Variants in MIER2 observed in about 807,000 individuals in gnomAD.
MIER2 encodes the protein mesoderm induction early response protein 2.
A neutral mutation model predicts 67.6 loss-of-function variants in MIER2; 30 were observed. The observed-to-expected ratio is 0.44, with a 90% CI of 0.33 to 0.60. MIER2 has a LOEUF of 0.60. Ranked by LOEUF, MIER2 falls within the 20% of genes least tolerant of loss-of-function variation. MIER2 has a pLI of 0.02. For synonymous variants in MIER2, 372 were observed against 312.6 expected (o/e 1.19, Z -2.00); for missense variants, 702 against 745.1 (o/e 0.94, Z 0.67).
chr19:323,581 C>A lies in MIER2; in HGVS notation c.655+2054G>T, dbSNP rs1444390265. 4.0e-5 allele frequency among the ~76,000 whole-genome samples: 6 copies of A among 150,082 alleles called. No homozygotes were observed. In the South Asian group the frequency reaches 8.4e-4, roughly 21 times the overall value. ...CCATGCAGATGACTCAAATGACAGACATCATCACCATGCAATACACAAGAC... is the reference window on the plus strand; with the variant it reads ...CCATGCAGATGACTCAAATGACAGAAATCATCACCATGCAATACACAAGAC... On this transcript the variant is annotated intron_variant, in intron 7 of 13. Coordinates refer to ENST00000264819, the MANE Select transcript of MIER2 (RefSeq NM_017550.3).
In MIER2 at chr19:327,235, G is replaced by T; in HGVS notation, c.391C>A (p.Leu131Ile). The T allele has an allele frequency of 6.3e-7, 1 of 1,574,972 alleles. No homozygotes were observed. ...GTCTCTTCCTCTTCTTCCCCTGAAA[G>T]CAAATCCTTCGCTATTTGTTCCTTT... ...LDKEQIAKDL[L>I]SGEEEEETQS... The change falls in exon 5 of 14, where the codon CTT becomes ATT. Residue 131 changes from leucine (L) to isoleucine (I), a missense_variant. Transcript: ENST00000264819.
chr19:344,219 G>C (rs893167523), intron 1 of MIER2: 3 of 985,292 alleles, frequency 3.0e-6, no homozygotes, highest in African/African-American at 1.7e-5. Context: ...TTCGCGCCAG[G>C]CGGGTCCGCG....
intron 3 of MIER2, among the ~76,000 whole-genome samples, chr19:332,245 C>G (rs1972061194): frequency 1.3e-5 from 2 of 151,992 alleles, no homozygotes; most frequent in Admixed American, 1.3e-4. Context: ...GGCTGGACTG[C>G]AGTGGCACAT....
At chr19:327,020 C>T in intron 5 of MIER2, 113 bp downstream of exon 5, 1 of 1,409,350 alleles carries the variant, frequency 7.1e-7, no homozygotes, top group South Asian at 1.5e-5. Flanking sequence ...AGGCAGACGC[C>T]CTCATCTGTG....
intron 7 of MIER2, among the ~76,000 whole-genome samples, chr19:319,872 A>T (rs1269898789): frequency 1.3e-5 from 2 of 152,246 alleles, no homozygotes; most frequent in Non-Finnish European, 2.9e-5. Flanking sequence ...AATAAAAATA[A>T]AAGGACAGGC....
At position 343,808 on chromosome 19, in the gene MIER2, A is replaced by C. The variant is rs531375520; in HGVS notation, c.9+966T>G. ...CCTCGCAGCCGCCGCACCTTCACCT[A>C]CATTATCTCTTTCCATCTTCACCAG... On this transcript the variant is annotated intron_variant, in intron 1 of 13. Transcript: ENST00000264819. The C allele has an allele frequency of 3.1e-6, 3 of 981,356 alleles. No homozygotes were observed. In the African/African-American group the frequency reaches 5.2e-5, roughly 17 times the overall value. The allele number at this position is 981,356 out of a possible 1,614,324, so 60.8% of individuals were successfully genotyped here.
rs140216224 is a variant in MIER2 at position 320,385 on chromosome 19, C to A, written c.655+5250G>T. Among the ~76,000 whole-genome samples the A allele has an allele frequency of 2.0e-5, 3 of 147,434 alleles. No individual in the cohort carries two copies. In the East Asian group the frequency reaches 5.9e-4, roughly 29 times the overall value. ...ACAGAGCAAGACTTTGTCCAAAAAA[C>A]TAAATAGATAGATAGATAAATAAAT... On this transcript the variant is annotated intron_variant, in intron 7 of 13. Transcript: ENST00000264819.
chr19:336,849 CTCTTT>C (rs1972280158), intron 1 of MIER2, among the ~76,000 whole-genome samples: 1 of 152,064 alleles, frequency 6.6e-6, no homozygotes, highest in Non-Finnish European at 1.5e-5. Flanking sequence ...TTCAATATCT[CTCTTT>C]TTTTTTGAGA....
rs1970925144 is a variant in MIER2 at position 310,581 on chromosome 19, CGGGAG to C, written c.984+1259_984+1263del. ...CGGCCCGGAGCTATAGAAACACGGC[CGGGAG>C]CTGCAGAAACACAGCCGGGAGCTAT... On this transcript the variant is annotated intron_variant, in intron 10 of 13. Coordinates refer to ENST00000264819, the MANE Select transcript of MIER2 (RefSeq NM_017550.3). 1.3e-4 allele frequency among the ~76,000 whole-genome samples: 20 copies of C among 149,150 alleles called. 1 individual carries two copies. Among genetic ancestry groups the C allele is most frequent in the Middle Eastern group, 7.5e-3 (2 of 268 alleles).
rs779453250 is a variant in MIER2, at chr19:306,570, AG to A, written c.*119del. The A allele has an allele frequency of 1.0e-4, 133 of 1,325,910 alleles. No individual in the cohort carries two copies. The highest frequency in any genetic ancestry group is 1.8e-4 in the Admixed American group (9 of 49,496). The allele number at this position is 1,325,910 out of a possible 1,614,324, so 82.1% of individuals were successfully genotyped here. ...CCCCAGTCCTGACGTGTTCTGAAGCAGAAGGAGGTGCTACCCCAAGGCCCGG... is the reference window on the plus strand; with the variant it reads ...CCCCAGTCCTGACGTGTTCTGAAGCAAAGGAGGTGCTACCCCAAGGCCCGG... On this transcript the variant is annotated 3_prime_UTR_variant, in exon 14 of 14. Coordinates refer to ENST00000264819, the MANE Select transcript of MIER2 (RefSeq NM_017550.3).
chr19:315,495 G>C (rs998711853), intron 7 of MIER2, among the ~76,000 whole-genome samples: 20 of 152,334 alleles, frequency 1.3e-4, no homozygotes, highest in African/African-American at 3.1e-4. Flanking sequence ...CAAAACGCCG[G>C]AGAGTCTCAG....
At chr19:341,844 T>C (rs1600182789) in intron 1 of MIER2, among the ~76,000 whole-genome samples, 1 of 151,826 alleles carries the variant, frequency 6.6e-6, no homozygotes, top group Admixed American at 6.6e-5. Flanking sequence ...TCCACCAGGG[T>C]CTTCAGGCAG....
chr19:340,028 A>C (rs1278092633), intron 1 of MIER2, among the ~76,000 whole-genome samples: 1 of 152,216 alleles, frequency 6.6e-6, no homozygotes, highest in Non-Finnish European at 1.5e-5. Context: ...TATTTAATGA[A>C]GTTTAAAAAC....
chr19:321,430 AG>A (rs1971497288), intron 7 of MIER2, among the ~76,000 whole-genome samples: 1 of 152,162 alleles, frequency 6.6e-6, no homozygotes, highest in Non-Finnish European at 1.5e-5. Context: ...GGATCACCTG[AG>A]GTTGGGAGTT....
chr19:344,694 C>G, intron 1 of MIER2, 80 bp downstream of exon 1: 1 of 955,924 alleles, frequency 1.0e-6, no homozygotes, highest in Non-Finnish European at 1.3e-6. Flanking sequence ...CCCTGGGGCC[C>G]ACGACGAGGC....
chr19:342,591 G>GT lies in MIER2; in HGVS notation c.9+2182dup, dbSNP rs965956310. Among the ~76,000 whole-genome samples, 3 of 149,774 alleles carry GT rather than the reference G, an allele frequency of 2.0e-5. No homozygotes were observed. In the Admixed American group the frequency reaches 2.0e-4, roughly 10 times the overall value. ...TAGGAGCAAAAGATGGTGCTCTTAG[G>GT]TTTTTAAAAGATCAATCTAGTATGC... On this transcript the variant is annotated intron_variant, in intron 1 of 13. Coordinates refer to ENST00000264819, the MANE Select transcript of MIER2 (RefSeq NM_017550.3).
intron 1 of MIER2, among the ~76,000 whole-genome samples, chr19:340,806 C>T (rs571815946): frequency 6.6e-6 from 1 of 152,164 alleles, no homozygotes; most frequent in African/African-American, 2.4e-5. Context: ...TAAGTGGAGA[C>T]TGACAGGACC....
Position 327,492 on chromosome 19 carries a change from C to T in MIER2, c.370-236G>A, listed in dbSNP as rs570841984. ...TTAGAGCTGCCACTGGGCACACGCCCGGAGTGCATGGCTCTTTCTCTGACT... is the reference window on the plus strand; with the variant it reads ...TTAGAGCTGCCACTGGGCACACGCCTGGAGTGCATGGCTCTTTCTCTGACT... On this transcript the variant is annotated intron_variant, in intron 4 of 13. Coordinates refer to ENST00000264819, the MANE Select transcript of MIER2 (RefSeq NM_017550.3). 1.1e-4 allele frequency among the ~76,000 whole-genome samples: 17 copies of T among 152,332 alleles called. No homozygotes were observed. In the South Asian group the frequency reaches 1.2e-3, roughly 11 times the overall value.
chr19:334,689 C>T, intron 2 of MIER2, 147 bp from the exon 3 acceptor site: 2 of 1,048,314 alleles, frequency 1.9e-6, no homozygotes, highest in East Asian at 2.6e-5. Flanking sequence ...CAACAGGACA[C>T]CCCACGACTA....
Sources: allele counts gnomAD v4.1 joint callset (sites outside exome capture counted in the v4.1 genomes callset), GRCh38; gene constraint gnomAD v4.1.1; transcripts MANE v1.5; gene names NCBI Gene and HGNC (gene_info 2026-07-23, HGNC 2026-07-21).